The following PDE11A variants were observed in gnomAD, a reference collection of about 807,000 sequenced individuals.
The protein encoded by PDE11A is phosphodiesterase 11A.
Under a neutral mutation model 100.5 loss-of-function variants are expected in PDE11A, and 100 were observed. The observed-to-expected ratio is 1.00, with a 90% confidence interval of 0.85 to 1.18. PDE11A has a LOEUF of 1.18. PDE11A is among the 50% of genes most tolerant of loss of function. The pLI, the probability that PDE11A is intolerant of heterozygous loss-of-function variation, is 0.00. For synonymous variants in PDE11A, 381 were observed against 420.8 expected, an observed-to-expected ratio of 0.91 and a Z score of 1.16; for missense variants, 1,141 against 1,152.6, an observed-to-expected ratio of 0.99 and a Z score of 0.15.
intron 1 of PDE11A, among the ~76,000 whole-genome samples, chr2:178,053,407 A>G (rs2086854530): frequency 6.6e-6 from 1 of 152,216 alleles, no homozygotes; most frequent in Non-Finnish European, 1.5e-5. Context: ...AGCCAATATC[A>G]TACTGAATGG....
At chr2:178,058,146 G>A (rs2086922309) in intron 1 of PDE11A, among the ~76,000 whole-genome samples, 1 of 152,074 alleles carries the variant, frequency 6.6e-6, no homozygotes, top group South Asian at 2.1e-4. Flanking sequence ...GTGAGCCACT[G>A]CGCCTGGCCC....
chr2:177,747,267 A>G (rs2081962603), intron 10 of PDE11A, among the ~76,000 whole-genome samples: 2 of 152,226 alleles, frequency 1.3e-5, no homozygotes, highest in Non-Finnish European at 2.9e-5. Flanking sequence ...AAATACAGCC[A>G]GCGTTCCCTC....
intron 15 of PDE11A, 121 bp downstream of exon 15, chr2:177,697,211 G>A: frequency 1.4e-6 from 1 of 693,268 alleles, no homozygotes. Context: ...AACAAAAAAA[G>A]TTTAGCTGGT....
intron 2 of PDE11A, among the ~76,000 whole-genome samples, chr2:177,946,090 G>A (rs1476878973): frequency 7.6e-5 from 9 of 119,196 alleles, no homozygotes; most frequent in Admixed American, 4.6e-4. Flanking sequence ...CGCCCCGTCC[G>A]GGATGGAGGT....
At chr2:177,900,107 TAATA>T (rs1042079933) in intron 3 of PDE11A, among the ~76,000 whole-genome samples, 7 of 152,146 alleles carry the variant, frequency 4.6e-5, no homozygotes, top group African/African-American at 1.7e-4. Flanking sequence ...AAAAAATAAA[TAATA>T]AATAATATTT....
At chr2:177,634,832 A>T (rs1287289979) in intron 19 of PDE11A, among the ~76,000 whole-genome samples, 1 of 152,224 alleles carries the variant, frequency 6.6e-6, no homozygotes, top group Non-Finnish European at 1.5e-5. Flanking sequence ...GTCATCAGCA[A>T]GAGAATTGCT....
chr2:178,074,878 G>A (rs1325469790), upstream of PDE11A, among the ~76,000 whole-genome samples: 1 of 152,164 alleles, frequency 6.6e-6, no homozygotes, highest in Non-Finnish European at 1.5e-5. Context: ...GGAAGAAAAT[G>A]AGAAAGTGAC....
In PDE11A at chr2:177,898,118, G is replaced by A. The variant is rs2105727461; in HGVS notation, c.1242C>T (p.Ala414=). 2 of 1,611,572 alleles carry A rather than the reference G, an allele frequency of 1.2e-6. No homozygotes were observed. The highest frequency in any genetic ancestry group is 4.5e-5 in the East Asian group (2 of 44,848). ...AGCGTTCACATTTCAGCAGAGTTTG[G>A]GCCCGATGCATTATTTTCTTGACAA... ...EKIVKKIMHR[A]QTLLKCERCS... The change falls in exon 4 of 20, where the codon GCC becomes GCT. Residue 414 remains alanine, a synonymous_variant. Coordinates refer to ENST00000286063, the MANE Select transcript of PDE11A (RefSeq NM_016953.4).
At chr2:178,074,703 C>T (rs2087185561), upstream of PDE11A, among the ~76,000 whole-genome samples, 1 of 152,118 alleles carries the variant, frequency 6.6e-6, no homozygotes, top group Non-Finnish European at 1.5e-5. Flanking sequence ...TCTCCGTCTA[C>T]AGCACCAAGA....
chr2:177,653,150 C>T (rs953046364), intron 19 of PDE11A, among the ~76,000 whole-genome samples: 1 of 152,164 alleles, frequency 6.6e-6, no homozygotes, highest in Non-Finnish European at 1.5e-5. Flanking sequence ...TTCTGTTTCC[C>T]TAGAGAAGAT....
chr2:177,997,254 T>C, intron 2 of PDE11A: 1 of 1,234,436 alleles, frequency 8.1e-7, no homozygotes, highest in Non-Finnish European at 1.2e-6. Flanking sequence ...CCCCTCTACT[T>C]TCCCTGAAGG....
At chr2:177,810,306 T>C (rs1158127554) in intron 9 of PDE11A, among the ~76,000 whole-genome samples, 1 of 152,172 alleles carries the variant, frequency 6.6e-6, no homozygotes, top group Non-Finnish European at 1.5e-5. Context: ...ACCAATTATA[T>C]ATAGAATACT....
chr2:177,710,011 C>T (rs1242250637), intron 13 of PDE11A, among the ~76,000 whole-genome samples: 1 of 151,992 alleles, frequency 6.6e-6, no homozygotes, highest in African/African-American at 2.4e-5. Context: ...AGAACTGAAG[C>T]TGGAGAGTGA....
chr2:178,095,850 C>T (rs777102013), intron 2 of PDE11A, among the ~76,000 whole-genome samples: 2 of 152,230 alleles, frequency 1.3e-5, no homozygotes, highest in Admixed American at 6.5e-5. Flanking sequence ...TCTGAAGCAA[C>T]GACCTGAGCT....
intron 5 of PDE11A, among the ~76,000 whole-genome samples, chr2:177,845,374 G>A (rs888924487): frequency 6.7e-6 from 1 of 149,362 alleles, no homozygotes; most frequent in Non-Finnish European, 1.5e-5. Flanking sequence ...GGGCAGAGGC[G>A]CTCCTCACAT....
intron 1 of PDE11A, among the ~76,000 whole-genome samples, chr2:178,016,893 G>A (rs2086345749): frequency 6.6e-6 from 1 of 152,172 alleles, no homozygotes. Context: ...CACAGGCCTA[G>A]AAAGAGTTAT....
intron 19 of PDE11A, among the ~76,000 whole-genome samples, chr2:177,663,518 G>C (rs1246086442): frequency 3.3e-5 from 5 of 152,142 alleles, no homozygotes; most frequent in African/African-American, 1.2e-4. Context: ...GGGCCTGTGA[G>C]CTTTTTTTGA....
At chr2:177,818,345 A>G (rs910127949) in intron 7 of PDE11A, among the ~76,000 whole-genome samples, 2 of 151,462 alleles carry the variant, frequency 1.3e-5, no homozygotes, top group African/African-American at 2.4e-5. Context: ...CTGAAGCACA[A>G]TACTTGAAAG....
intron 1 of PDE11A, among the ~76,000 whole-genome samples, chr2:178,048,438 C>T (rs2086780997): frequency 6.6e-6 from 1 of 152,144 alleles, no homozygotes; most frequent in African/African-American, 2.4e-5. Context: ...ATATTTCCCC[C>T]TTTTCTGTTT....
Sources: gnomAD v4.1 joint callset for allele counts (sites outside exome capture counted in the v4.1 genomes callset) on GRCh38, gnomAD v4.1.1 for gene constraint, MANE v1.5 for transcripts, NCBI Gene and HGNC (gene_info 2026-07-23, HGNC 2026-07-21) for gene names.